Variants in WDR59 observed in about 807,000 individuals in gnomAD.
WDR59 encodes GATOR2 complex protein WDR59.
In WDR59, 100 loss-of-function variants were observed where a neutral mutation model predicts 131.2. The ratio of observed to expected loss-of-function variants is 0.76; its 90% confidence interval spans 0.65 to 0.90. WDR59 has a LOEUF of 0.90. Ranked by LOEUF, WDR59 falls within the 40% of genes least tolerant of loss-of-function variation. WDR59 has a pLI of 0.00. For missense variants in WDR59, 1,203 were observed against 1,262.2 expected (o/e 0.95, Z 0.71); for synonymous variants, 601 against 466.2 (o/e 1.29, Z -3.72).
intron 18 of WDR59, among the ~76,000 whole-genome samples, chr16:74,898,649 G>C (rs573812552): frequency 6.6e-6 from 1 of 152,228 alleles, no homozygotes; most frequent in Non-Finnish European, 1.5e-5. Flanking sequence ...TTACTGCTAC[G>C]ATCAGAGGCA....
chr16:74,942,384 T>G, intron 7 of WDR59, among the ~76,000 whole-genome samples: 1 of 152,122 alleles, frequency 6.6e-6, no homozygotes, highest in African/African-American at 2.4e-5. Context: ...AATTCTAGAA[T>G]AGCGCCTGGG....
chr16:74,875,353 G>T (rs932131937), intron 25 of WDR59, among the ~76,000 whole-genome samples: 1 of 152,192 alleles, frequency 6.6e-6, no homozygotes, highest in African/African-American at 2.4e-5. Context: ...TGACTGCAGG[G>T]GCAGTGGGTG....
At chr16:74,878,045 G>C (rs1964299825) in intron 25 of WDR59, among the ~76,000 whole-genome samples, 1 of 152,162 alleles carries the variant, frequency 6.6e-6, no homozygotes, top group African/African-American at 2.4e-5. Context: ...AATGACAAGT[G>C]GCCAACACTA....
intron 8 of WDR59, chr16:74,930,653 G>C (rs891928691): frequency 6.6e-6 from 1 of 151,966 alleles, no homozygotes; most frequent in Admixed American, 6.6e-5. Flanking sequence ...ACTACTTTGG[G>C]AGGTCAAGGT....
chr16:74,919,512 T>A (rs1368091859), intron 10 of WDR59, among the ~76,000 whole-genome samples: 1 of 151,212 alleles, frequency 6.6e-6, no homozygotes, highest in African/African-American at 2.4e-5. Context: ...TTTTTTTTTT[T>A]AATATATTTT....
chr16:74,982,534 G>A (rs1289565667), intron 1 of WDR59, among the ~76,000 whole-genome samples: 1 of 152,200 alleles, frequency 6.6e-6, no homozygotes, highest in Admixed American at 6.5e-5. Flanking sequence ...AGGCAGGGGT[G>A]AGACTACCTG....
intron 8 of WDR59, among the ~76,000 whole-genome samples, chr16:74,932,225 C>G (rs2031455732): frequency 6.6e-6 from 1 of 151,308 alleles, no homozygotes; most frequent in African/African-American, 2.4e-5. Context: ...TCCTGAGTAG[C>G]TGGGATGACA....
At chr16:74,887,074 C>T (rs1304545085) in intron 23 of WDR59, among the ~76,000 whole-genome samples, 1 of 152,126 alleles carries the variant, frequency 6.6e-6, no homozygotes, top group Non-Finnish European at 1.5e-5. Context: ...CAAATGACCA[C>T]ACTCCTGCAC....
rs1238291815 is a variant in WDR59, at chr16:74,922,168, T to C, written c.730-65A>G. ...CAGGGAGAATCAGCTGAGTCTTGAG[T>C]TTCCAAACCTGGAATTCTTCCTAAG... On this transcript the variant is annotated intron_variant, in intron 9 of 25. Transcript: ENST00000262144. 2.5e-5 allele frequency: 39 copies of C among 1,577,970 alleles called. No homozygotes were observed. The Middle Eastern group carries it at 8.5e-4, about 34-fold the overall frequency.
chr16:74,874,692 T>C (rs886572171), intron 25 of WDR59, among the ~76,000 whole-genome samples: 1 of 152,144 alleles, frequency 6.6e-6, no homozygotes, highest in African/African-American at 2.4e-5. Flanking sequence ...ACAGCCCGGA[T>C]TCAAGTGTCC....
chr16:74,940,821 T>C (rs2032159877), intron 7 of WDR59, among the ~76,000 whole-genome samples: 1 of 152,100 alleles, frequency 6.6e-6, no homozygotes, highest in Non-Finnish European at 1.5e-5. Flanking sequence ...TTCTCCTGCC[T>C]CAGCCTCCCG....
At chr16:74,906,945 A>G (rs1965849111) in intron 17 of WDR59, among the ~76,000 whole-genome samples, 1 of 152,212 alleles carries the variant, frequency 6.6e-6, no homozygotes, top group Admixed American at 6.5e-5. Context: ...TGTATCGTAA[A>G]CTATCTCAGT....
intron 2 of WDR59, among the ~76,000 whole-genome samples, chr16:74,960,646 G>A (rs1290945062): frequency 1.3e-5 from 2 of 151,738 alleles, no homozygotes; most frequent in Non-Finnish European, 1.5e-5. Flanking sequence ...CTGGGAGGCT[G>A]AGGCATGAAA....
At chr16:74,937,179 C>T (rs1406764727) in intron 8 of WDR59, among the ~76,000 whole-genome samples, 3 of 152,174 alleles carry the variant, frequency 2.0e-5, no homozygotes, top group Non-Finnish European at 4.4e-5. Flanking sequence ...GTGAACATCC[C>T]ATGTCACAGA....
intron 6 of WDR59, among the ~76,000 whole-genome samples, chr16:74,944,760 G>A (rs2032489450): frequency 6.6e-6 from 1 of 152,022 alleles, no homozygotes; most frequent in East Asian, 1.9e-4. Flanking sequence ...TGAGTACAAA[G>A]GAAAGAAGTC....
rs528909167 is a variant in WDR59, at chr16:74,906,940, C to T, written c.1712+1968G>A. Among the ~76,000 whole-genome samples, 19 of 152,274 alleles carry T rather than the reference C, an allele frequency of 1.2e-4. No individual in the cohort carries two copies. In the South Asian group the frequency reaches 1.5e-3, roughly 12 times the overall value. ...AGCCATACACTTCATATTTGTGTATCGTAAACTATCTCAGTAAAGGACTGT... is the reference window on the plus strand; with the variant it reads ...AGCCATACACTTCATATTTGTGTATTGTAAACTATCTCAGTAAAGGACTGT... On this transcript the variant is annotated intron_variant, in intron 17 of 25. Coordinates refer to ENST00000262144, the MANE Select transcript of WDR59 (RefSeq NM_030581.4).
At chr16:74,891,859 G>A (rs1965059478) in intron 20 of WDR59, among the ~76,000 whole-genome samples, 1 of 152,214 alleles carries the variant, frequency 6.6e-6, no homozygotes, top group African/African-American at 2.4e-5. Context: ...GGGAGGCGGA[G>A]GTTGTGGTGA....
chr16:74,973,038 G>A lies in WDR59; in HGVS notation c.55-7216C>T, dbSNP rs575659224. ...ACCTGAGGTCTGAGGTCGGGAGTTT[G>A]AGACCAGCCTGACCAACAAGGAGAA... On this transcript the variant is annotated intron_variant, in intron 1 of 25. Transcript: ENST00000262144. 3.5e-3 allele frequency among the ~76,000 whole-genome samples: 533 copies of A among 151,912 alleles called. 3 individuals are homozygous for A. The highest frequency in any genetic ancestry group is 6.8e-3 in the Middle Eastern group (2 of 292).
chr16:74,954,548 G>C (rs1287279844), intron 3 of WDR59, among the ~76,000 whole-genome samples: 1 of 152,166 alleles, frequency 6.6e-6, no homozygotes, highest in Admixed American at 6.6e-5. Context: ...CATTGCTGAT[G>C]GGAGTATAAA....
Sources: gnomAD v4.1 joint callset for allele counts (sites outside exome capture counted in the v4.1 genomes callset) on GRCh38, gnomAD v4.1.1 for gene constraint, MANE v1.5 for transcripts, NCBI Gene and HGNC (gene_info 2026-07-23, HGNC 2026-07-21) for gene names.